Variants in IL17RC observed in about 807,000 individuals in gnomAD.
IL17RC encodes the protein interleukin 17 receptor C.
In IL17RC, 53 loss-of-function variants were observed where a neutral mutation model predicts 86.7. The observed-to-expected ratio is 0.61, with a 90% CI of 0.49 to 0.77. The LOEUF is 0.77. Ranked by LOEUF, IL17RC falls within the 30% of genes least tolerant of loss-of-function variation. The pLI, the probability that IL17RC is intolerant of heterozygous loss-of-function variation, is 0.00. For synonymous variants in IL17RC, 439 were observed against 413.1 expected, an observed-to-expected ratio of 1.06 and a Z score of -0.76; for missense variants, 957 against 940.0, an observed-to-expected ratio of 1.02 and a Z score of -0.24.
chr3:9,930,998 A>C lies in IL17RC; in HGVS notation c.1387+55A>C. ...CTGTACCAGGAGTGGGGATCTTGAC[A>C]GGGACCACTCTTGGGCACAGCACAT... On this transcript the variant is annotated intron_variant, in intron 16 of 18. Transcript: ENST00000403601. The surrounding 1 kb of genome is among the most constrained non-coding windows in gnomAD (Gnocchi z 5.8). 2.1e-6 allele frequency: 3 copies of C among 1,414,886 alleles called. No individual in the cohort carries two copies. Among genetic ancestry groups the C allele is most frequent in the East Asian group, 2.3e-5 (1 of 43,912 alleles). The allele number at this position is 1,414,886 out of a possible 1,614,324, so 87.6% of individuals were successfully genotyped here.
intron 9 of IL17RC, among the ~76,000 whole-genome samples, chr3:9,924,995 G>T (rs2083922388): frequency 6.6e-6 from 1 of 151,810 alleles, no homozygotes; most frequent in Non-Finnish European, 1.5e-5. Flanking sequence ...GTAGAGACGG[G>T]GTCTTGCTAT....
At chr3:9,919,426 C>T (rs1344748564) in intron 5 of IL17RC, among the ~76,000 whole-genome samples, 1 of 152,012 alleles carries the variant, frequency 6.6e-6, no homozygotes, top group Non-Finnish European at 1.5e-5. Context: ...GGGCAGATCA[C>T]GAAGTCAGGA....
intron 9 of IL17RC, among the ~76,000 whole-genome samples, chr3:9,927,532 T>G (rs1458070220): frequency 1.3e-5 from 2 of 152,144 alleles, no homozygotes; most frequent in African/African-American, 4.8e-5. Context: ...CACTCCAGCC[T>G]GGGCAACAGA....
rs544373767 is a variant in IL17RC at position 9,931,756 on chromosome 3, C to G, written c.1387+813C>G. Reference sequence around the variant, plus strand: ...TCCTGACCTCGTGATCCGCCCGCGTCGGCCTCCCAAAGTGCTGGGATTATA... The same window carrying G: ...TCCTGACCTCGTGATCCGCCCGCGTGGGCCTCCCAAAGTGCTGGGATTATA... On this transcript the variant is annotated intron_variant, in intron 16 of 18. Transcript: ENST00000403601. 6.6e-5 allele frequency among the ~76,000 whole-genome samples: 10 copies of G among 151,702 alleles called. No individual in the cohort carries two copies. In the South Asian group the frequency reaches 1.9e-3, roughly 28 times the overall value.
rs753277952 is a variant in IL17RC at position 9,920,546 on chromosome 3, G to A, written c.521G>A (p.Trp174Ter). ...GCCCTAGGGAGTGAGGTACGAATCT[G>A]GTCCTATACTCAGCCCAGGTACGAG... is the stretch of plus-strand genomic sequence containing the variant. Reference protein sequence around the residue: ...EAALGSEVRIWSYTQPRYEKE... With the variant: ...EAALGSEVRI The change falls in exon 6 of 19, where the codon TGG becomes TAG. Residue 174 changes from tryptophan to a stop codon, truncating the protein, a stop_gained. Transcript: ENST00000403601. LOFTEE classifies it high-confidence loss of function. The A allele has an allele frequency of 1.6e-5, 25 of 1,608,748 alleles. No individual in the cohort carries two copies. The highest frequency in any genetic ancestry group is 2.0e-5 in the Non-Finnish European group (24 of 1,177,104).
rs756938928 is a variant in IL17RC, at chr3:9,932,954, G to C, written c.1524G>C (p.Ala508=). 9 of 1,606,718 alleles carry C rather than the reference G, an allele frequency of 5.6e-6. No homozygotes were observed. The East Asian group carries it at 8.9e-5, about 16-fold the overall frequency. ...CTCCCCATCTGTTTTCTCCGGCAGC[G>C]GCCGCCAGGGGCCGCGCGGCTCTGC... is the stretch of plus-strand genomic sequence containing the variant. ...RLLKQDVRSG[A]AARGRAALLL... Residue 508 remains alanine, a splice_region_variant and synonymous_variant, in exon 19 of 19, where the codon GCG becomes GCC. Coordinates refer to ENST00000403601, the MANE Select transcript of IL17RC (RefSeq NM_153460.4).
chr3:9,931,757 G>T (rs562792353), intron 16 of IL17RC, among the ~76,000 whole-genome samples: 1 of 151,372 alleles, frequency 6.6e-6, no homozygotes, highest in Admixed American at 6.6e-5. Flanking sequence ...CGCCCGCGTC[G>T]GCCTCCCAAA....
intron 9 of IL17RC, among the ~76,000 whole-genome samples, chr3:9,926,446 T>C (rs1055706735): frequency 6.6e-6 from 1 of 152,220 alleles, no homozygotes; most frequent in Non-Finnish European, 1.5e-5. Context: ...CAATAAATAT[T>C]ATGAAATGAA....
intron 7 of IL17RC, among the ~76,000 whole-genome samples, chr3:9,922,434 C>T (rs1296565560): frequency 1.3e-5 from 2 of 152,210 alleles, no homozygotes; most frequent in Non-Finnish European, 2.9e-5. Flanking sequence ...GACTATTCAA[C>T]ACCAGAGTTT....
At chr3:9,918,458 G>A (rs1439957959) in intron 4 of IL17RC, 42 bp from the exon 5 acceptor site, 1 of 1,609,440 alleles carries the variant, frequency 6.2e-7, no homozygotes, top group East Asian at 2.2e-5. Context: ...GGCCTGGCCT[G>A]CCGCTCCTGG....
In IL17RC at chr3:9,917,714, G is replaced by A. The variant is rs764126330; in HGVS notation, c.107G>A (p.Gly36Asp). 1.2e-6 allele frequency: 2 copies of A among 1,613,766 alleles called. No homozygotes were observed. Among genetic ancestry groups the A allele is most frequent in the South Asian group, 2.2e-5 (2 of 91,084 alleles). Residue 36 changes from glycine to aspartate, a missense_variant and splice_region_variant, in exon 2 of 19, where the codon GGC becomes GAC. Transcript: ENST00000403601. ...GPQDATHCSPGLSCRLWDSDI... is the reference protein window; with the variant it reads ...GPQDATHCSPDLSCRLWDSDI... ...GACTCTCCTTTCTTTCCTTCCCAGGGCCTCTCCTGCCGCCTCTGGGGTAAG... is the reference window on the plus strand; with the variant it reads ...GACTCTCCTTTCTTTCCTTCCCAGGACCTCTCCTGCCGCCTCTGGGGTAAG...
chr3:9,917,355 C>G lies in IL17RC; in HGVS notation c.40C>G (p.Arg14Gly). 6.2e-7 allele frequency: 1 copy of G among 1,614,108 alleles called. No homozygotes were observed. The highest frequency in any genetic ancestry group is 8.5e-7 in the Non-Finnish European group (1 of 1,179,990). ...PWFLLSLALG[R>G]SPVVLSLERL... ...GTTCTTGCTGTCCTTGGCACTGGGC[C>G]GAAGCCCAGTGGTCCTTTCTCTGGA... Residue 14 changes from arginine to glycine, a missense_variant, in exon 1 of 19, where the codon CGA becomes GGA. Arg to Gly is a moderately radical substitution (Grantham distance 125). Coordinates refer to ENST00000403601, the MANE Select transcript of IL17RC (RefSeq NM_153460.4).
At chr3:9,927,152 A>G (rs967948391) in intron 9 of IL17RC, among the ~76,000 whole-genome samples, 1 of 152,260 alleles carries the variant, frequency 6.6e-6, no homozygotes, top group Non-Finnish European at 1.5e-5. Flanking sequence ...AGCTATGCAC[A>G]TAATAGGCAC....
Position 9,917,935 on chromosome 3 carries a change from T to G in IL17RC, c.140T>G (p.Leu47Arg). ...LSCRLWDSDI[L>R]CLPGDIVPAP... ...CCTCCACACACAGACAGTGACATAC[T>G]CTGCCTGCCTGGGGACATCGTGCCT... The change falls in exon 3 of 19, where the codon CTC (leucine) becomes CGC (arginine). Residue 47 changes from leucine to arginine, a missense_variant. By Grantham distance (102) the Leu-to-Arg change is moderately radical. Transcript: ENST00000403601. 6.2e-7 allele frequency: 1 copy of G among 1,613,384 alleles called. No homozygotes were observed. The highest frequency in any genetic ancestry group is 8.5e-7 in the Non-Finnish European group (1 of 1,180,020).
At chr3:9,929,508 C>T (rs2084450429) in intron 12 of IL17RC, 1 of 334,492 alleles carries the variant, frequency 3.0e-6, no homozygotes, top group Non-Finnish European at 5.6e-6. Context: ...ATACAAATAC[C>T]ATGGGAAAGG....
intron 3 of IL17RC, 114 bp from the exon 4 acceptor site, chr3:9,918,221 G>A (rs889811512): frequency 2.0e-5 from 26 of 1,307,144 alleles, no homozygotes; most frequent in Non-Finnish European, 2.5e-5. Context: ...GGCCAGTGTG[G>A]TCTCCCCAGC....
Position 9,932,614 on chromosome 3 carries a change from AC to A in IL17RC, c.1395del (p.His465GlnfsTer33). ...TCTTCTCTGGGTCTCCCAGACATCC[AC>A]AAGCGCTGGGCCCTCGTGTGGCTGG... ...LWACPMDKYIHKRWALVWLAC... is the reference protein window; with the variant it reads ...LWACPMDKYIXKRWALVWLAC... On this transcript the variant is annotated frameshift_variant, in exon 17 of 19. Transcript: ENST00000403601. LOFTEE classifies it high-confidence loss of function. 6.2e-7 allele frequency: 1 copy of A among 1,613,996 alleles called. No individual in the cohort carries two copies. Among genetic ancestry groups the A allele is most frequent in the Non-Finnish European group, 8.5e-7 (1 of 1,179,918 alleles).
chr3:9,923,410 G>A (rs1024941906), intron 7 of IL17RC, among the ~76,000 whole-genome samples: 22 of 151,684 alleles, frequency 1.5e-4, no homozygotes, highest in Admixed American at 2.0e-4. Flanking sequence ...AAAACTAGCC[G>A]GGGGTGGTGA....
In IL17RC at chr3:9,933,447, C is replaced by A; in HGVS notation, c.2017C>A (p.Arg673Ser). The change falls in exon 19 of 19, where the codon CGT (arginine) becomes AGT (serine). Residue 673 changes from arginine (R) to serine (S), a missense_variant. By Grantham distance (110) the Arg-to-Ser change is moderately radical. Coordinates refer to ENST00000403601, the MANE Select transcript of IL17RC (RefSeq NM_153460.4). ...LGALQQPRAP[R>S]SGRLQERAEQ... Reference sequence around the variant, plus strand: ...GGCCCTGCAGCAGCCTCGCGCCCCGCGTTCCGGGCGGCTCCAAGAGAGAGC... The same window carrying A: ...GGCCCTGCAGCAGCCTCGCGCCCCGAGTTCCGGGCGGCTCCAAGAGAGAGC... The A allele has an allele frequency of 1.2e-6, 2 of 1,613,108 alleles. No homozygotes were observed. The highest frequency in any genetic ancestry group is 1.7e-6 in the Non-Finnish European group (2 of 1,179,806).
Sources: gnomAD v4.1 joint callset for allele counts (sites outside exome capture counted in the v4.1 genomes callset) on GRCh38, gnomAD v4.1.1 for gene constraint, Gnocchi (gnomAD v3.1) non-coding constraint, MANE v1.5 for transcripts, NCBI Gene and HGNC (gene_info 2026-07-23, HGNC 2026-07-21) for gene names.